The following ATP9B variants were observed in gnomAD, a reference collection of about 807,000 sequenced individuals.
ATP9B encodes the protein ATPase phospholipid transporting 9B, also known as probable phospholipid-transporting ATPase IIB.
A neutral mutation model predicts 146.1 loss-of-function variants in ATP9B; 110 were observed. The ratio of observed to expected loss-of-function variants is 0.75; its 90% CI spans 0.65 to 0.88. ATP9B has a LOEUF of 0.88. Ranked by LOEUF, ATP9B falls within the 40% of genes least tolerant of loss-of-function variation. ATP9B has a pLI of 0.00. For missense variants in ATP9B, 1,499 were observed against 1,496.4 expected (o/e 1.00, Z -0.03); for synonymous variants, 604 against 569.7 (o/e 1.06, Z -0.86).
At chr18:79,291,399 GC>G (rs1282546015) in intron 13 of ATP9B, among the ~76,000 whole-genome samples, 6 of 152,166 alleles carry the variant, frequency 3.9e-5, no homozygotes, top group Non-Finnish European at 8.8e-5. Context: ...ATCATGGAGA[GC>G]ATTTGAGGTA....
intron 17 of ATP9B, among the ~76,000 whole-genome samples, chr18:79,331,161 G>A (rs994313953): frequency 2.0e-4 from 30 of 152,124 alleles, no homozygotes; most frequent in African/African-American, 5.1e-4. Flanking sequence ...TCCTGTGTGC[G>A]TGTTGCTGTT....
At chr18:79,274,695 G>A (rs942643031) in intron 12 of ATP9B, among the ~76,000 whole-genome samples, 5 of 152,052 alleles carry the variant, frequency 3.3e-5, no homozygotes, top group Admixed American at 1.3e-4. Flanking sequence ...GTGATCTTTC[G>A]CTAGTAAGCT....
intron 11 of ATP9B, among the ~76,000 whole-genome samples, chr18:79,233,215 C>A (rs958523141): frequency 9.2e-5 from 14 of 151,972 alleles, no homozygotes; most frequent in African/African-American, 3.4e-4. Flanking sequence ...TCACTTGAAC[C>A]CGGAAGGCAG....
chr18:79,274,822 T>C (rs1390735158), intron 12 of ATP9B, among the ~76,000 whole-genome samples: 1 of 152,234 alleles, frequency 6.6e-6, no homozygotes, highest in African/African-American at 2.4e-5. Context: ...GTATTCAACT[T>C]ACCATATTTC....
chr18:79,241,864 G>A (rs956469837), intron 11 of ATP9B, among the ~76,000 whole-genome samples: 5 of 152,206 alleles, frequency 3.3e-5, no homozygotes, highest in African/African-American at 9.7e-5. Context: ...GAAGGTTGAT[G>A]GCTCCCAGTG....
rs2095873982 is a variant in ATP9B, at chr18:79,239,967, G to GCCCCACA, written c.1108-13410_1108-13404dup. Among the ~76,000 whole-genome samples, 1 of 152,170 alleles carries GCCCCACA rather than the reference G, an allele frequency of 6.6e-6. No individual in the cohort carries two copies. Among genetic ancestry groups the GCCCCACA allele is most frequent in the African/African-American group, 2.4e-5 (1 of 41,446 alleles). ...ACCAGCAGATCACCACGCCTCAGGGGCCCCACACCCGCGGTCTCTTCCTAG... is the reference window on the plus strand; with the variant it reads ...ACCAGCAGATCACCACGCCTCAGGGGCCCCACACCCCACACCCGCGGTCTCTTCCTAG... On this transcript the variant is annotated intron_variant, in intron 11 of 29. Coordinates refer to ENST00000426216, the MANE Select transcript of ATP9B (RefSeq NM_198531.5). This position sits in a 1 kb window ranked among gnomAD's most constrained non-coding sequence, Gnocchi z 5.1.
In ATP9B at chr18:79,074,693, T is replaced by A. The variant is rs879741783; in HGVS notation, c.119+5164T>A. On this transcript the variant is annotated intron_variant, in intron 1 of 29. Coordinates refer to ENST00000426216, the MANE Select transcript of ATP9B (RefSeq NM_198531.5). ...TATCCCTTGGTGGGAGAGGGGAGTCTCAGGAAGTCACTGCTGCCTTCTTAC... is the reference window on the plus strand; with the variant it reads ...TATCCCTTGGTGGGAGAGGGGAGTCACAGGAAGTCACTGCTGCCTTCTTAC... Among the ~76,000 whole-genome samples, 44 of 152,222 alleles carry A rather than the reference T, an allele frequency of 2.9e-4. 1 individual carries two copies. Among genetic ancestry groups the A allele is most frequent in the Non-Finnish European group, 5.1e-4 (35 of 68,040 alleles).
intron 10 of ATP9B, among the ~76,000 whole-genome samples, chr18:79,213,510 T>C (rs2095602020): frequency 6.6e-6 from 1 of 152,290 alleles, no homozygotes; most frequent in Admixed American, 6.5e-5. Context: ...GTCACTGATA[T>C]TTAGTAATAC....
chr18:79,263,046 A>C (rs74553913), intron 12 of ATP9B, among the ~76,000 whole-genome samples: 55 of 152,272 alleles, frequency 3.6e-4, no homozygotes, highest in Non-Finnish European at 6.0e-4. Flanking sequence ...GCCTTTGAGC[A>C]TTGTTTTATT....
At chr18:79,076,673 C>G (rs1189432523) in intron 1 of ATP9B, among the ~76,000 whole-genome samples, 1 of 152,048 alleles carries the variant, frequency 6.6e-6, no homozygotes, top group Admixed American at 6.5e-5. Context: ...GCTTAGTATC[C>G]TAATTCTATA....
At chr18:79,096,712 A>G in intron 2 of ATP9B, 63 bp downstream of exon 2, 3 of 1,317,298 alleles carry the variant, frequency 2.3e-6, no homozygotes, top group Admixed American at 2.4e-5. Flanking sequence ...GTTAGCTTCT[A>G]ATATACTTAT....
rs1262664506 is a variant in ATP9B, at chr18:79,256,257, C to CCATATATATATATATATATATA, written c.1268+2716_1268+2717insCATATATATATATATATATATA. Reference sequence around the variant, plus strand: ...ATGCCATTTTGTGAATTCTAGCTAGCTATATATATATATATATATATATAT... The same window carrying CCATATATATATATATATATATA: ...ATGCCATTTTGTGAATTCTAGCTAGCCATATATATATATATATATATATATATATATATATATATATATATAT... On this transcript the variant is annotated intron_variant, in intron 12 of 29. Transcript: ENST00000426216. Among the ~76,000 whole-genome samples the CCATATATATATATATATATATA allele has an allele frequency of 2.3e-3, 235 of 100,336 alleles. 6 individuals carry two copies. The highest frequency in any genetic ancestry group is 4.8e-3 in the Admixed American group (47 of 9,876). 65.8% of individuals were successfully genotyped at this position (100,336 alleles called of 152,430 possible). A position where few individuals can be genotyped will look rare whatever the true frequency, so the allele number is the denominator to read the frequency against.
In ATP9B at chr18:79,103,923, T is replaced by C. The variant is rs191913870; in HGVS notation, c.294-6432T>C. Among the ~76,000 whole-genome samples, 337 of 152,160 alleles carry C rather than the reference T, an allele frequency of 2.2e-3. 1 individual carries two copies. The highest frequency in any genetic ancestry group is 4.0e-3 in the South Asian group (19 of 4,802). ...CTACCAATTTGCTTAGGCTAAGTGC[T>C]TTTCTTCTGTGGTCCATATGGTCCC... On this transcript the variant is annotated intron_variant, in intron 2 of 29. Transcript: ENST00000426216.
chr18:79,118,390 G>GGTTTT (rs1555689295), intron 4 of ATP9B, among the ~76,000 whole-genome samples: 1,390 of 93,286 alleles, frequency 0.015, 165 homozygotes, highest in East Asian at 0.036. Context: ...GAACGTTTTT[G>GGTTTT]TTTTTTTTTT....
In ATP9B at chr18:79,310,708, C is replaced by T. The variant is rs143434363; in HGVS notation, c.1773+3474C>T. Among the ~76,000 whole-genome samples, 547 of 152,308 alleles carry T rather than the reference C, an allele frequency of 3.6e-3. 3 individuals are homozygous for T. The highest frequency in any genetic ancestry group is 6.4e-3 in the Non-Finnish European group (438 of 68,026). ...CATGTCTGTGTGCAGATGTGGGAAC[C>T]ACTTTCCTGGGGAAGGAAAGATATA... On this transcript the variant is annotated intron_variant, in intron 15 of 29. Transcript: ENST00000426216.
intron 15 of ATP9B, among the ~76,000 whole-genome samples, chr18:79,321,797 T>C (rs1323666269): frequency 6.6e-6 from 1 of 152,150 alleles, no homozygotes; most frequent in Non-Finnish European, 1.5e-5. Context: ...AAGCATAAAC[T>C]AAATAATAAA....
chr18:79,339,624 A>G (rs1187612610), intron 19 of ATP9B, among the ~76,000 whole-genome samples: 2 of 151,420 alleles, frequency 1.3e-5, no homozygotes, highest in Non-Finnish European at 2.9e-5. Flanking sequence ...TCGCAATAGG[A>G]AGTGTGTCAG....
Position 79,080,352 on chromosome 18 carries a change from C to T in ATP9B, c.119+10823C>T, listed in dbSNP as rs570352468. 2.0e-5 allele frequency among the ~76,000 whole-genome samples: 3 copies of T among 152,202 alleles called. No individual in the cohort carries two copies. The East Asian group carries it at 5.8e-4, about 29-fold the overall frequency. On this transcript the variant is annotated intron_variant, in intron 1 of 29. Coordinates refer to ENST00000426216, the MANE Select transcript of ATP9B (RefSeq NM_198531.5). ...GTTTGTAGTTCTCCTTGAAGAAGTC[C>T]TTCACATCCCTTATAAGTTGTATTC...
chr18:79,339,153 G>T (rs2096843003), intron 19 of ATP9B, among the ~76,000 whole-genome samples: 1 of 151,930 alleles, frequency 6.6e-6, no homozygotes, highest in African/African-American at 2.4e-5. Flanking sequence ...CATGACTGAA[G>T]TAGGAAGTGT....
Sources: gnomAD v4.1 joint callset for allele counts (sites outside exome capture counted in the v4.1 genomes callset) on GRCh38, gnomAD v4.1.1 for gene constraint, Gnocchi (gnomAD v3.1) non-coding constraint, MANE v1.5 for transcripts, NCBI Gene and HGNC (gene_info 2026-07-23, HGNC 2026-07-21) for gene names.